TFDP2: variants seen among roughly 807,000 people sequenced by gnomAD.
TFDP2 encodes transcription factor Dp-2 (E2F dimerization partner 2).
Under a neutral mutation model 59.3 loss-of-function variants are expected in TFDP2, and 17 were observed. The observed-to-expected ratio is 0.29, with a 90% CI of 0.20 to 0.43. The LOEUF (loss-of-function observed/expected upper bound fraction) is 0.43. Among genes scored for constraint, TFDP2 ranks in the 20% least tolerant of loss-of-function variants. TFDP2 has a pLI of 1.00. For synonymous variants in TFDP2, 180 were observed against 194.7 expected (o/e 0.92, Z 0.63); for missense variants, 391 against 528.8 (o/e 0.74, Z 2.56).
chr3:142,117,814 A>T (rs1325664924), intron 1 of TFDP2, among the ~76,000 whole-genome samples: 1 of 152,034 alleles, frequency 6.6e-6, no homozygotes, highest in Non-Finnish European at 1.5e-5. Context: ...GGAGGAAATT[A>T]GGCCAGGCAC....
chr3:141,969,213 A>C (rs1262690808), intron 9 of TFDP2, among the ~76,000 whole-genome samples: 2 of 106,424 alleles, frequency 1.9e-5, no homozygotes, highest in South Asian at 5.0e-4. Flanking sequence ...TAACATATAT[A>C]TATATCTCAT....
chr3:142,095,189 C>T (rs1041803635), intron 2 of TFDP2, among the ~76,000 whole-genome samples: 3 of 152,058 alleles, frequency 2.0e-5, no homozygotes, highest in Non-Finnish European at 2.9e-5. Flanking sequence ...AGGGTTTCAC[C>T]ATGTTGGTCA....
chr3:142,017,548 C>CT (rs10535313), intron 3 of TFDP2, among the ~76,000 whole-genome samples: 180 of 87,148 alleles, frequency 2.1e-3, no homozygotes, highest in Non-Finnish European at 2.9e-3. Context: ...CAAAAATATT[C>CT]TTTTTTTTTT....
intron 3 of TFDP2, among the ~76,000 whole-genome samples, chr3:142,084,525 A>G (rs2060745973): frequency 6.6e-6 from 1 of 152,216 alleles, no homozygotes; most frequent in Admixed American, 6.5e-5. Flanking sequence ...CTGTATTTCC[A>G]TGTTTGTTGC....
chr3:142,078,710 A>G (rs956060335), intron 3 of TFDP2, among the ~76,000 whole-genome samples: 5 of 152,184 alleles, frequency 3.3e-5, no homozygotes, highest in Non-Finnish European at 7.4e-5. Flanking sequence ...CAAAGACTAC[A>G]ATAAATATAT....
chr3:141,977,127 T>C lies in TFDP2; in HGVS notation c.519+1393A>G, dbSNP rs1013937427. Among the ~76,000 whole-genome samples, 11 of 126,458 alleles carry C rather than the reference T, an allele frequency of 8.7e-5. 1 individual carries two copies. Among genetic ancestry groups the C allele is most frequent in the Non-Finnish European group, 1.4e-4 (9 of 63,054 alleles). The allele number at this position is 126,458 out of a possible 152,430, so 83.0% of individuals were successfully genotyped here. ...ATATATTTTTTTTTTTTTTTTTTTT[T>C]TCCCCCCAAAGAGACGAAGTCTTGC... On this transcript the variant is annotated intron_variant, in intron 7 of 12. Transcript: ENST00000489671.
chr3:141,953,789 C>T (rs1936218405), intron 11 of TFDP2, among the ~76,000 whole-genome samples: 2 of 115,084 alleles, frequency 1.7e-5, no homozygotes, highest in African/African-American at 3.3e-5. Context: ...CCCCTCCCCC[C>T]ACCCCACAAC....
At chr3:142,098,997 T>C (rs577968278) in intron 2 of TFDP2, among the ~76,000 whole-genome samples, 57 of 152,354 alleles carry the variant, frequency 3.7e-4, no homozygotes, top group African/African-American at 1.3e-3. Flanking sequence ...TAATAAAGCA[T>C]GGATAAGACA....
intron 3 of TFDP2, among the ~76,000 whole-genome samples, chr3:142,046,163 C>A (rs1473811983): frequency 1.3e-5 from 2 of 152,158 alleles, no homozygotes; most frequent in Non-Finnish European, 2.9e-5. Context: ...GATCTTCTGA[C>A]CCTGTTGTCT....
chr3:142,109,234 A>T (rs1172864249), intron 1 of TFDP2, among the ~76,000 whole-genome samples: 1 of 152,248 alleles, frequency 6.6e-6, no homozygotes, highest in Non-Finnish European at 1.5e-5. Context: ...CCATCCTTTA[A>T]AAATGTACGA....
intron 3 of TFDP2, among the ~76,000 whole-genome samples, chr3:142,091,338 G>A (rs531435454): frequency 4.6e-5 from 7 of 152,056 alleles, no homozygotes; most frequent in Non-Finnish European, 8.8e-5. Context: ...CTATTATTAA[G>A]CTAGGCCAGG....
intron 11 of TFDP2, among the ~76,000 whole-genome samples, chr3:141,957,748 A>T (rs1466181522): frequency 1.3e-5 from 2 of 152,248 alleles, no homozygotes; most frequent in Non-Finnish European, 2.9e-5. Context: ...ATTCACATAA[A>T]GCGTCTTTCT....
chr3:141,976,724 G>C (rs1391399921), intron 7 of TFDP2, among the ~76,000 whole-genome samples: 2 of 152,032 alleles, frequency 1.3e-5, no homozygotes, highest in East Asian at 3.9e-4. Flanking sequence ...AGCTCACAAA[G>C]GGGCTTGCAG....
At chr3:142,084,301 G>C (rs1040245071) in intron 3 of TFDP2, among the ~76,000 whole-genome samples, 2 of 152,108 alleles carry the variant, frequency 1.3e-5, no homozygotes, top group South Asian at 2.1e-4. Flanking sequence ...AGCTAAAATG[G>C]CTTTTAACCA....
chr3:142,101,801 G>A lies in TFDP2; in HGVS notation c.-52C>T. Reference sequence around the variant, plus strand: ...TGTAAAGCCATTAAAAAAATAAAAAGAAAAAAACCTTCGTCTTCAATAATT... The same window carrying A: ...TGTAAAGCCATTAAAAAAATAAAAAAAAAAAAACCTTCGTCTTCAATAATT... On this transcript the variant is annotated 5_prime_UTR_variant, in exon 2 of 13. Transcript: ENST00000489671. The A allele has an allele frequency of 4.4e-6, 5 of 1,129,760 alleles. No homozygotes were observed. The highest frequency in any genetic ancestry group is 2.2e-5 in the South Asian group (1 of 45,616). 70.0% of individuals were successfully genotyped at this position (1,129,760 alleles called of 1,614,324 possible).
At chr3:142,015,761 G>C (rs554146796) in intron 3 of TFDP2, among the ~76,000 whole-genome samples, 161 of 152,214 alleles carry the variant, frequency 1.1e-3, no homozygotes, top group African/African-American at 3.8e-3. Flanking sequence ...GTTAGACCTA[G>C]ATTTTAAATT....
At chr3:141,997,184 T>C (rs757894321) in intron 4 of TFDP2, among the ~76,000 whole-genome samples, 35 of 152,162 alleles carry the variant, frequency 2.3e-4, no homozygotes, top group Non-Finnish European at 3.4e-4. Context: ...GGGATGCTCA[T>C]AGGAAAGGTA....
At chr3:141,979,736 G>A (rs56162837) in intron 6 of TFDP2, among the ~76,000 whole-genome samples, 11,313 of 151,952 alleles carry the variant, frequency 0.074, 526 homozygotes, top group Non-Finnish European at 0.11. Flanking sequence ...TTACAGGTGT[G>A]CACCACCACA....
In TFDP2 at chr3:142,065,509, G is replaced by GGTGTGTGT. The variant is rs113935011; in HGVS notation, c.82+27544_82+27551dup. Among the ~76,000 whole-genome samples the GGTGTGTGT allele has an allele frequency of 5.9e-4, 87 of 148,356 alleles. No homozygotes were observed. The Middle Eastern group carries it at 0.018, about 30-fold the overall frequency. ...TTCACTCTGTGTGTGTGTGTGTGTG[G>GGTGTGTGT]GTGTGTGTGTGTGTGTGTTTGAGAC... On this transcript the variant is annotated intron_variant, in intron 3 of 12. Transcript: ENST00000489671.
Sources: allele counts gnomAD v4.1 joint callset (sites outside exome capture counted in the v4.1 genomes callset), GRCh38; gene constraint gnomAD v4.1.1; transcripts MANE v1.5; gene names NCBI Gene and HGNC (gene_info 2026-07-23, HGNC 2026-07-21).